The following CLEC4A variants were observed in gnomAD, a reference collection of about 807,000 sequenced individuals.
The protein encoded by CLEC4A is C-type (calcium dependent, carbohydrate-recognition domain) lectin, superfamily member 6.
CLEC4A carries 27 observed loss-of-function variants against 32.7 expected under a neutral mutation model. The observed-to-expected ratio is 0.83, with a 90% CI of 0.61 to 1.14. The LOEUF (loss-of-function observed/expected upper bound fraction) is 1.14, where lower values mean the gene tolerates loss of function less well. Among genes scored for constraint, CLEC4A ranks in the 50% most tolerant of loss-of-function variants. CLEC4A has a pLI of 0.00. For synonymous variants in CLEC4A, 89 were observed against 93.7 expected, an observed-to-expected ratio of 0.95 and a Z score of 0.29; for missense variants, 253 against 274.6, an observed-to-expected ratio of 0.92 and a Z score of 0.55.
At chr12:8,126,032 T>C (rs12306428) in intron 2 of CLEC4A, among the ~76,000 whole-genome samples, 2,078 of 152,306 alleles carry the variant, frequency 0.014, 53 homozygotes, top group African/African-American at 0.047. Context: ...CTGATTTGAA[T>C]GCACAGACAT....
chr12:8,122,886 AAGG>A (rs1362114749), upstream of CLEC4A, among the ~76,000 whole-genome samples: 1 of 152,026 alleles, frequency 6.6e-6, no homozygotes, highest in African/African-American at 2.4e-5. Flanking sequence ...GGGAGATTAA[AAGG>A]AGGATCATTT....
intron 5 of CLEC4A, 28 bp downstream of exon 5, chr12:8,136,931 T>C (rs1236612604): frequency 6.7e-7 from 1 of 1,488,286 alleles, no homozygotes; most frequent in African/African-American, 1.4e-5. Flanking sequence ...TAAAAGAATC[T>C]TGGGTCCTGG....
Position 8,138,169 on chromosome 12 carries a change from C to G in CLEC4A, c.596C>G (p.Pro199Arg). The G allele has an allele frequency of 6.2e-7, 1 of 1,613,962 alleles. No individual in the cohort carries two copies. The highest frequency in any genetic ancestry group is 2.2e-5 in the East Asian group (1 of 44,864). ...TFWHPREPSD[P>R]NERCVVLNFR... is the part of the protein sequence containing the mutation. ...TGGCATCCACGTGAGCCCAGTGATC[C>G]CAATGAGCGCTGCGTTGTGCTAAAT... Residue 199 changes from proline (P) to arginine (R), a missense_variant, in exon 6 of 6, where the codon CCC becomes CGC. Pro to Arg is a moderately radical substitution (Grantham distance 103). Coordinates refer to ENST00000229332, the MANE Select transcript of CLEC4A (RefSeq NM_016184.4).
At chr12:8,120,662 A>G (rs895424851), upstream of CLEC4A, among the ~76,000 whole-genome samples, 2 of 117,724 alleles carry the variant, frequency 1.7e-5, no homozygotes, top group Non-Finnish European at 2.0e-5. Flanking sequence ...ATAAATGTAA[A>G]TAGATGTTTT....
chr12:8,134,662 GA>G (rs1948061931), intron 3 of CLEC4A: 1 of 1,589,454 alleles, frequency 6.3e-7, no homozygotes, highest in Non-Finnish European at 8.6e-7. Flanking sequence ...TACGGCGGGG[GA>G]CATGGGGGAA....
the CLEC4A span, among the ~76,000 whole-genome samples, chr12:8,113,168 C>T: frequency 9.1e-5 from 13 of 143,330 alleles, no homozygotes; most frequent in East Asian, 4.2e-4. Context: ...TTTCTGTGTC[C>T]ATGTGTTATC....
intron 2 of CLEC4A, among the ~76,000 whole-genome samples, chr12:8,128,766 C>T (rs775040510): frequency 6.6e-6 from 1 of 152,238 alleles, no homozygotes; most frequent in East Asian, 1.9e-4. Flanking sequence ...CGTTGGTGTG[C>T]TGAGGAGTAA....
upstream of CLEC4A, chr12:8,121,442 G>A (rs1465592900): frequency 6.6e-6 from 1 of 152,186 alleles, no homozygotes; most frequent in Non-Finnish European, 1.5e-5. Context: ...TCTAAATAAA[G>A]CAGTAGCAAG....
At chr12:8,132,988 C>T (rs1417801558) in intron 3 of CLEC4A, among the ~76,000 whole-genome samples, 1 of 152,076 alleles carries the variant, frequency 6.6e-6, no homozygotes, top group Non-Finnish European at 1.5e-5. Context: ...GATCTCAGCT[C>T]ACTGCAACCT....
At chr12:8,128,904 C>T (rs896313188) in intron 2 of CLEC4A, among the ~76,000 whole-genome samples, 1 of 152,060 alleles carries the variant, frequency 6.6e-6, no homozygotes, top group South Asian at 2.1e-4. Context: ...AATTAATTTG[C>T]CCCTCTCCCA....
chr12:8,113,459 G>A, the CLEC4A span, among the ~76,000 whole-genome samples: 6 of 152,210 alleles, frequency 3.9e-5, no homozygotes, highest in Non-Finnish European at 7.4e-5. Context: ...GTGTTGAGTT[G>A]TACAGTCTTT....
the CLEC4A span, among the ~76,000 whole-genome samples, chr12:8,115,896 C>T: frequency 6.6e-6 from 1 of 152,064 alleles, no homozygotes; most frequent in Non-Finnish European, 1.5e-5. Context: ...TCAAGTGATC[C>T]TCCCACCTCA....
intron 1 of CLEC4A, among the ~76,000 whole-genome samples, chr12:8,125,359 G>A (rs761159563): frequency 6.6e-6 from 1 of 152,110 alleles, no homozygotes; most frequent in East Asian, 1.9e-4. Flanking sequence ...TCAATTGTAG[G>A]AATTCGTACT....
chr12:8,113,934 G>A, the CLEC4A span, among the ~76,000 whole-genome samples: 2 of 152,150 alleles, frequency 1.3e-5, no homozygotes, highest in Non-Finnish European at 2.9e-5. Flanking sequence ...CATTGGATCA[G>A]GGTTTCCTCA....
At chr12:8,111,178 C>CTTT in the CLEC4A span, among the ~76,000 whole-genome samples, 150 of 100,294 alleles carry the variant, frequency 1.5e-3, 2 homozygotes, top group Non-Finnish European at 1.9e-3. Context: ...GGCCCAACAT[C>CTTT]TTTTTTTTTT....
At chr12:8,124,031 C>T (rs1274469590) in intron 1 of CLEC4A, 71 bp downstream of exon 1, 4 of 1,020,458 alleles carry the variant, frequency 3.9e-6, no homozygotes, top group Non-Finnish European at 6.2e-6. Context: ...ATGAATAAGG[C>T]ATAGGTGTTT....
chr12:8,134,013 G>T, intron 3 of CLEC4A: 1 of 1,604,606 alleles, frequency 6.2e-7, no homozygotes, highest in South Asian at 1.1e-5. Context: ...TTCTGGCGCC[G>T]GTTACAGAAC....
the CLEC4A span, among the ~76,000 whole-genome samples, chr12:8,112,912 CA>C: frequency 6.6e-6 from 1 of 152,118 alleles, no homozygotes; most frequent in African/African-American, 2.4e-5. Flanking sequence ...TGAATATTTT[CA>C]AAAGAAGTTG....
At chr12:8,128,030 T>TA (rs1947931225) in intron 2 of CLEC4A, among the ~76,000 whole-genome samples, 1 of 152,092 alleles carries the variant, frequency 6.6e-6, no homozygotes, top group African/African-American at 2.4e-5. Flanking sequence ...CACATAGAGG[T>TA]AGCAGGTGAT....
Sources: gnomAD v4.1 joint callset for allele counts (sites outside exome capture counted in the v4.1 genomes callset) on GRCh38, gnomAD v4.1.1 for gene constraint, MANE v1.5 for transcripts, NCBI Gene and HGNC (gene_info 2026-07-23, HGNC 2026-07-21) for gene names.